VPS50: variants seen among roughly 807,000 people sequenced by gnomAD.
VPS50 encodes the protein VPS50 subunit of EARP/GARPII complex, also known as syndetin.
Under a neutral mutation model 139.7 loss-of-function variants are expected in VPS50, and 70 were observed. The ratio of observed to expected loss-of-function variants is 0.50; its 90% CI spans 0.41 to 0.61. The LOEUF is 0.61. Among genes scored for constraint, VPS50 ranks in the 20% least tolerant of loss-of-function variants. The probability of loss-of-function intolerance (pLI) is 0.00; values close to 1 mark genes in which losing one functional copy is unlikely to be tolerated. For missense variants in VPS50, 921 were observed against 1,133.7 expected (o/e 0.81, Z 2.69); for synonymous variants, 365 against 376.7 (o/e 0.97, Z 0.36).
Position 93,305,870 on chromosome 7 carries a change from C to T in VPS50, c.1495C>T (p.Pro499Ser). 2.5e-6 allele frequency: 4 copies of T among 1,612,556 alleles called. No individual in the cohort carries two copies. The highest frequency in any genetic ancestry group is 3.4e-6 in the Non-Finnish European group (4 of 1,178,790). ...MEQSRSPSVS[P>S]SKQPVSTSSK... The stretch of plus-strand genomic sequence containing the variant: ...ACAGTCTCGCTCCCCATCAGTTTCA[C>T]CTAGTAAACAGCCAGTCTCAACTTC... The change falls in exon 18 of 28, where the codon CCT becomes TCT. Residue 499 changes from proline (P) to serine (S), a missense_variant. Pro to Ser is a moderately conservative substitution (Grantham distance 74). Transcript: ENST00000305866.
intron 12 of VPS50, among the ~76,000 whole-genome samples, chr7:93,285,454 A>T (rs182271549): frequency 9.2e-5 from 14 of 152,316 alleles, no homozygotes; most frequent in Non-Finnish European, 1.5e-4. Context: ...AAAAAGCAAA[A>T]GACTAGCAGC....
intron 14 of VPS50, 44 bp from the exon 15 acceptor site, chr7:93,296,698 C>G: frequency 6.3e-7 from 1 of 1,581,428 alleles, no homozygotes; most frequent in Non-Finnish European, 8.5e-7. Context: ...AACTTATTTT[C>G]TATATTTTGG....
rs547753903 is a variant in VPS50 at position 93,349,712 on chromosome 7, C to A, written c.2305-163C>A. ...AATTATGTTTTGAGTAAGGCCTTTG[C>A]CTTCACTCAAATATTCAAATTATTT... On this transcript the variant is annotated intron_variant, in intron 24 of 27. Coordinates refer to ENST00000305866, the MANE Select transcript of VPS50 (RefSeq NM_017667.4). Among the ~76,000 whole-genome samples the A allele has an allele frequency of 1.2e-4, 18 of 152,244 alleles. 2 individuals are homozygous for A. In the South Asian group the frequency reaches 3.3e-3, roughly 28 times the overall value.
intron 20 of VPS50, among the ~76,000 whole-genome samples, chr7:93,312,824 C>T (rs1797310293): frequency 6.6e-6 from 1 of 152,094 alleles, no homozygotes; most frequent in Non-Finnish European, 1.5e-5. Context: ...GGCTCAGTTC[C>T]TTTATCTTGT....
chr7:93,270,920 T>G, intron 9 of VPS50: 1 of 220,498 alleles, frequency 4.5e-6, no homozygotes, highest in Non-Finnish European at 8.6e-6. Flanking sequence ...CACACAAACA[T>G]TGTTTATATA....
intron 21 of VPS50, among the ~76,000 whole-genome samples, chr7:93,324,020 T>C (rs1797694360): frequency 6.6e-6 from 1 of 152,208 alleles, no homozygotes; most frequent in Non-Finnish European, 1.5e-5. Flanking sequence ...GTTGCTTTTT[T>C]TAAATCTGGC....
chr7:93,257,474 T>C lies in VPS50; in HGVS notation c.422+10T>C, dbSNP rs747603293. On this transcript the variant is annotated intron_variant, in intron 6 of 27. Coordinates refer to ENST00000305866, the MANE Select transcript of VPS50 (RefSeq NM_017667.4). ...GTACAAATGGGAGAAGGTATTGCTT[T>C]TGATGATATTTTGTTCTTTAAGCTG... 3 of 1,520,546 alleles carry C rather than the reference T, an allele frequency of 2.0e-6. No individual in the cohort carries two copies. In the Admixed American group the frequency reaches 5.2e-5, roughly 26 times the overall value. 94.2% of individuals were successfully genotyped at this position (1,520,546 alleles called of 1,614,324 possible).
rs1798786158 is a variant in VPS50, at chr7:93,359,209, A to G, written c.*773A>G. 1 of 152,114 alleles carries G rather than the reference A, an allele frequency of 6.6e-6. No homozygotes were observed. The highest frequency in any genetic ancestry group is 6.6e-5 in the Admixed American group (1 of 15,252). The allele number at this position is 152,114 out of a possible 1,614,324, so 9.4% of individuals were successfully genotyped here. ...AATCATGATTATGAGACTTTCTTTT[A>G]TCTTTCTTTATAAAAATATGTGGTT... On this transcript the variant is annotated 3_prime_UTR_variant, in exon 28 of 28. Coordinates refer to ENST00000305866, the MANE Select transcript of VPS50 (RefSeq NM_017667.4).
chr7:93,265,318 T>A (rs1220523251), intron 9 of VPS50, among the ~76,000 whole-genome samples: 1 of 152,188 alleles, frequency 6.6e-6, no homozygotes, highest in Non-Finnish European at 1.5e-5. Context: ...AGGTTTTACA[T>A]GCCATACGTC....
intron 6 of VPS50, chr7:93,257,716 C>T (rs564175353): frequency 4.0e-5 from 12 of 297,384 alleles, no homozygotes; most frequent in East Asian, 2.5e-4. Flanking sequence ...AACTGTTTGT[C>T]GTAAAGCACC....
intron 9 of VPS50, among the ~76,000 whole-genome samples, chr7:93,268,038 G>C (rs1362697158): frequency 6.6e-6 from 1 of 152,146 alleles, no homozygotes; most frequent in Non-Finnish European, 1.5e-5. Flanking sequence ...TAGGGACCAG[G>C]CAGGTCATAT....
At chr7:93,329,971 G>A (rs1797887257) in intron 21 of VPS50, among the ~76,000 whole-genome samples, 1 of 151,998 alleles carries the variant, frequency 6.6e-6, no homozygotes, top group African/African-American at 2.4e-5. Flanking sequence ...AAAGAGCCTT[G>A]GTAATGGAAT....
chr7:93,331,094 T>C (rs1797926987), intron 21 of VPS50, among the ~76,000 whole-genome samples: 1 of 152,074 alleles, frequency 6.6e-6, no homozygotes, highest in Non-Finnish European at 1.5e-5. Context: ...TACTAAAGCA[T>C]TAGAAATGGA....
At position 93,283,864 on chromosome 7, in the gene VPS50, T is replaced by A. The variant is rs142512195; in HGVS notation, c.942+7559T>A. Among the ~76,000 whole-genome samples the A allele has an allele frequency of 6.0e-4, 92 of 152,284 alleles. 1 individual carries two copies. Among genetic ancestry groups the A allele is most frequent in the Non-Finnish European group, 1.1e-3 (73 of 68,002 alleles). On this transcript the variant is annotated intron_variant, in intron 12 of 27. Coordinates refer to ENST00000305866, the MANE Select transcript of VPS50 (RefSeq NM_017667.4). Reference sequence around the variant, plus strand: ...GAAAGGAATAGTAGATTGTCTGGCTTGGTTTAACCGGATTTTTTAGTATGG... The same window carrying A: ...GAAAGGAATAGTAGATTGTCTGGCTAGGTTTAACCGGATTTTTTAGTATGG...
chr7:93,278,240 T>G (rs954625145), intron 12 of VPS50, among the ~76,000 whole-genome samples: 4 of 152,160 alleles, frequency 2.6e-5, no homozygotes, highest in Non-Finnish European at 2.9e-5. Flanking sequence ...TTACAAATTT[T>G]TATGAACAAA....
intron 23 of VPS50, among the ~76,000 whole-genome samples, chr7:93,347,986 A>T (rs569039879): frequency 1.5e-4 from 22 of 151,680 alleles, no homozygotes; most frequent in African/African-American, 2.4e-4. Flanking sequence ...AATAATAATT[A>T]AAAAAAAGAA....
Position 93,342,267 on chromosome 7 carries a change from G to A in VPS50, c.2207+692G>A, listed in dbSNP as rs183392507. 3.4e-3 allele frequency among the ~76,000 whole-genome samples: 517 copies of A among 152,294 alleles called. 1 individual carries two copies. The highest frequency in any genetic ancestry group is 0.012 in the African/African-American group (486 of 41,562). On this transcript the variant is annotated intron_variant, in intron 23 of 27. Transcript: ENST00000305866. ...TCCCACCCGAATACTGTGCTTTTCCGACGGGCTTAAAAAACGGTGCATCAG... is the reference window on the plus strand; with the variant it reads ...TCCCACCCGAATACTGTGCTTTTCCAACGGGCTTAAAAAACGGTGCATCAG...
At position 93,305,812 on chromosome 7, in the gene VPS50, CT is replaced by C; in HGVS notation, c.1453-10del. On this transcript the variant is annotated splice_polypyrimidine_tract_variant and intron_variant, in intron 17 of 27. Coordinates refer to ENST00000305866, the MANE Select transcript of VPS50 (RefSeq NM_017667.4). Reference sequence around the variant, plus strand: ...ATTGTTGCTAAAGGGTATCTGGCTCCTTTTTTAACATCTAGGAATTTAAATT... The same window carrying C: ...ATTGTTGCTAAAGGGTATCTGGCTCCTTTTTAACATCTAGGAATTTAAATT... 1.2e-6 allele frequency: 2 copies of C among 1,607,836 alleles called. No homozygotes were observed. Among genetic ancestry groups the C allele is most frequent in the Non-Finnish European group, 1.7e-6 (2 of 1,175,090 alleles).
chr7:93,350,115 A>G, intron 25 of VPS50, 82 bp downstream of exon 25: 1 of 901,986 alleles, frequency 1.1e-6, no homozygotes, highest in Non-Finnish European at 1.7e-6. Context: ...CTAAAATAGT[A>G]AGATTATAGT....
Sources: gnomAD v4.1 joint callset for allele counts (sites outside exome capture counted in the v4.1 genomes callset) on GRCh38, gnomAD v4.1.1 for gene constraint, MANE v1.5 for transcripts, NCBI Gene and HGNC (gene_info 2026-07-23, HGNC 2026-07-21) for gene names.